The following DMD variants were observed in gnomAD, a reference collection of about 807,000 sequenced individuals.
DMD encodes the protein mutant dystrophin.
Under a neutral mutation model 330.1 loss-of-function variants are expected in DMD, and 63 were observed. That is an observed-to-expected ratio of 0.19 (90% CI 0.16 to 0.24). DMD has a LOEUF of 0.24. DMD is among the 10% of genes least tolerant of loss of function. The pLI is 1.00. For synonymous variants in DMD, 1,223 were observed against 959.8 expected, an observed-to-expected ratio of 1.27 and a Z score of -5.07; for missense variants, 3,344 against 2,684.1, an observed-to-expected ratio of 1.25 and a Z score of -5.43.
At chrX:32,549,991 G>A (rs1314506912) in intron 16 of DMD, among the ~76,000 whole-genome samples, 1 of 112,235 alleles carries the variant, frequency 8.9e-6, no homozygotes, top group Non-Finnish European at 1.9e-5. Context: ...TAACAACTGG[G>A]ACACATTCTG....
intron 2 of DMD, among the ~76,000 whole-genome samples, chrX:32,987,553 A>G (rs182297089): frequency 1.1e-3 from 127 of 111,482 alleles, no homozygotes; most frequent in Non-Finnish European, 1.1e-3. Context: ...TATTTAATTG[A>G]TTTCATTCCA....
chrX:33,232,562 T>C (rs747297709), intron 1 of DMD, among the ~76,000 whole-genome samples: 1 of 111,627 alleles, frequency 9.0e-6, no homozygotes, highest in African/African-American at 3.3e-5. Flanking sequence ...CAACTTCACT[T>C]GGTTGTAATC....
chrX:32,814,030 C>G (rs1463424975), intron 6 of DMD, among the ~76,000 whole-genome samples: 2 of 111,123 alleles, frequency 1.8e-5, no homozygotes, highest in Admixed American at 1.9e-4. Flanking sequence ...CAGCAGGAAC[C>G]AAAGTACAAG....
intron 1 of DMD, among the ~76,000 whole-genome samples, chrX:33,308,367 G>T (rs1201747646): frequency 1.8e-5 from 2 of 112,029 alleles, no homozygotes; most frequent in Non-Finnish European, 3.8e-5. Context: ...TTGAGATTTC[G>T]AAATAAATAA....
intron 1 of DMD, among the ~76,000 whole-genome samples, chrX:33,261,061 G>A (rs1365042910): frequency 2.7e-5 from 3 of 111,158 alleles, no homozygotes; most frequent in African/African-American, 9.8e-5. Context: ...GAAACCTCTG[G>A]TGTTTGGTTT....
At chrX:32,676,689 G>C (rs1232261085) in intron 9 of DMD, among the ~76,000 whole-genome samples, 2 of 111,506 alleles carry the variant, frequency 1.8e-5, no homozygotes, top group Non-Finnish European at 3.8e-5. Context: ...ATCATTACAA[G>C]CTCAGTTAAC....
intron 44 of DMD, among the ~76,000 whole-genome samples, chrX:32,180,526 T>C (rs1476154484): frequency 1.8e-5 from 2 of 111,406 alleles, no homozygotes; most frequent in Non-Finnish European, 3.8e-5. Flanking sequence ...TCAGAATGAG[T>C]TGGGACCTTC....
intron 42 of DMD, among the ~76,000 whole-genome samples, chrX:32,302,517 GT>G (rs1239138228): frequency 9.0e-6 from 1 of 111,029 alleles, no homozygotes; most frequent in Non-Finnish European, 1.9e-5. Flanking sequence ...TTATTTTAAA[GT>G]TTTTTTAGCT....
At chrX:32,702,463 TAGAG>T (rs893663013) in intron 7 of DMD, among the ~76,000 whole-genome samples, 3 of 111,029 alleles carry the variant, frequency 2.7e-5, no homozygotes, top group African/African-American at 9.8e-5. Context: ...TTGTGTGTCT[TAGAG>T]AGAGTAGAGT....
intron 41 of DMD, among the ~76,000 whole-genome samples, chrX:32,341,237 C>G (rs1365931253): frequency 9.0e-6 from 1 of 111,335 alleles, no homozygotes; most frequent in Non-Finnish European, 1.9e-5. Flanking sequence ...GACTTAGTTT[C>G]CAGATTTTGA....
At chrX:32,998,981 C>T (rs1329330699) in intron 2 of DMD, among the ~76,000 whole-genome samples, 1 of 111,670 alleles carries the variant, frequency 9.0e-6, no homozygotes, top group Non-Finnish European at 1.9e-5. Flanking sequence ...CCAATAATTA[C>T]ACAACATGTT....
At chrX:32,408,180 C>G (rs1384342153) in intron 30 of DMD, among the ~76,000 whole-genome samples, 1 of 111,552 alleles carries the variant, frequency 9.0e-6, no homozygotes, top group Non-Finnish European at 1.9e-5. Flanking sequence ...ACTCCTAGGT[C>G]AACACATGCT....
Position 31,348,599 on chromosome X carries a change from T to A in DMD, c.9120A>T (p.Glu3040Asp), listed in dbSNP as rs1213308971. 1 of 1,211,347 alleles carries A rather than the reference T, an allele frequency of 8.3e-7. No individual in the cohort carries two copies. The highest frequency in any genetic ancestry group is 2.2e-5 in the Admixed American group (1 of 46,034). ...ATGCTGGACCAAAGTCCCTGTGGGC[T>A]TCATGCAGCTGCCTGACTCGGTCCT... ...AVEDRVRQLH[E>D]AHRDFGPASQ... Residue 3040 changes from glutamate (E) to aspartate (D), a missense_variant, in exon 61 of 79, where the codon GAA (glutamate) becomes GAT (aspartate). Physicochemically the swap from Glu to Asp is conservative, Grantham distance 45. Transcript: ENST00000357033.
intron 55 of DMD, among the ~76,000 whole-genome samples, chrX:31,624,585 CCT>C (rs771564774): frequency 3.6e-5 from 4 of 111,940 alleles, no homozygotes; most frequent in Non-Finnish European, 5.6e-5. Context: ...AGGTTTTCAC[CCT>C]CTCTCTTCAT....
intron 44 of DMD, among the ~76,000 whole-genome samples, chrX:32,162,440 G>A (rs2096852962): frequency 9.0e-6 from 1 of 110,728 alleles, no homozygotes; most frequent in Non-Finnish European, 1.9e-5. Context: ...TGTTCTTGCT[G>A]TATCAAAGAC....
In DMD at chrX:31,846,242, A is replaced by C. The variant is rs770905902; in HGVS notation, c.7099-9423T>G. 7.2e-5 allele frequency among the ~76,000 whole-genome samples: 8 copies of C among 111,333 alleles called. No homozygotes were observed. The South Asian group carries it at 3.0e-3, about 42-fold the overall frequency. On this transcript the variant is annotated intron_variant, in intron 48 of 78. Transcript: ENST00000357033. ...TTAAATGAAATAAGGTTTTATATCC[A>C]ATGTTCTCGGTTTACTTTGTAAATA... is the stretch of plus-strand genomic sequence containing the variant.
Position 31,196,665 on chromosome X carries a change from A to G in DMD, c.9807+7296T>C, listed in dbSNP as rs772865337. 1.2e-4 allele frequency among the ~76,000 whole-genome samples: 13 copies of G among 108,402 alleles called. No homozygotes were observed. The South Asian group carries it at 5.1e-3, about 42-fold the overall frequency. 94.1% of individuals were successfully genotyped at this position (108,402 alleles called of 115,157 possible). A position where few individuals can be genotyped will look rare whatever the true frequency, so the allele number is the denominator to read the frequency against. On this transcript the variant is annotated intron_variant, in intron 67 of 78. Transcript: ENST00000357033. ...TGGTGAAACCTTCTCTATTAAAAAT[A>G]CAAAAATTAGCTGGGCGTGGTGGCA...
At chrX:32,950,271 T>C (rs1317770862) in intron 2 of DMD, among the ~76,000 whole-genome samples, 3 of 111,401 alleles carry the variant, frequency 2.7e-5, no homozygotes, top group African/African-American at 9.8e-5. Flanking sequence ...TTTTAAGCTC[T>C]TTACTTGTAT....
At chrX:32,233,648 T>TTTAC (rs1338254361) in intron 43 of DMD, among the ~76,000 whole-genome samples, 1 of 102,364 alleles carries the variant, frequency 9.8e-6, no homozygotes, top group African/African-American at 3.9e-5. Context: ...TATTTATTTA[T>TTTAC]TGAGACGGAG....
Sources: gnomAD v4.1 joint callset for allele counts (sites outside exome capture counted in the v4.1 genomes callset) on GRCh38, gnomAD v4.1.1 for gene constraint, MANE v1.5 for transcripts, NCBI Gene and HGNC (gene_info 2026-07-23, HGNC 2026-07-21) for gene names.